SLC22A3: variants seen among roughly 807,000 people sequenced by gnomAD.
SLC22A3 encodes the protein EMT organic cation transporter 3.
SLC22A3 carries 51 observed loss-of-function variants against 59.1 expected under a neutral mutation model. That is an observed-to-expected ratio of 0.86 (90% CI 0.69 to 1.09). The LOEUF (loss-of-function observed/expected upper bound fraction) is 1.09, where lower values mean the gene tolerates loss of function less well. Among genes scored for constraint, SLC22A3 ranks in the 50% least tolerant of loss-of-function variants. The pLI, the probability that SLC22A3 is intolerant of heterozygous loss-of-function variation, is 0.00. For synonymous variants in SLC22A3, 325 were observed against 292.0 expected (o/e 1.11, Z -1.15); for missense variants, 711 against 726.3 (o/e 0.98, Z 0.24).
chr6:160,353,675 G>A lies in SLC22A3; in HGVS notation c.429+4827G>A, dbSNP rs576261693. ...TTTATTTTGTGCCCTCAGGAGCAGT[G>A]GTTGGTGTGCATTCTCGGGTCGCAC... is the stretch of plus-strand genomic sequence containing the variant. On this transcript the variant is annotated intron_variant, in intron 1 of 10. Transcript: ENST00000275300. 2.0e-5 allele frequency among the ~76,000 whole-genome samples: 3 copies of A among 152,134 alleles called. No homozygotes were observed. The East Asian group carries it at 5.8e-4, about 29-fold the overall frequency.
At position 160,365,454 on chromosome 6, in the gene SLC22A3, G is replaced by A. The variant is rs1025539264; in HGVS notation, c.429+16606G>A. On this transcript the variant is annotated intron_variant, in intron 1 of 10. Transcript: ENST00000275300. Reference sequence around the variant, plus strand: ...AACCAGACTGCTGGGCCTCACTGGAGTTTCTGATCCAATGGGTCTGGGGTA... The same window carrying A: ...AACCAGACTGCTGGGCCTCACTGGAATTTCTGATCCAATGGGTCTGGGGTA... 4.6e-5 allele frequency among the ~76,000 whole-genome samples: 7 copies of A among 152,186 alleles called. No homozygotes were observed. In the South Asian group the frequency reaches 1.2e-3, roughly 27 times the overall value.
intron 1 of SLC22A3, among the ~76,000 whole-genome samples, chr6:160,367,466 C>T (rs1381851988): frequency 6.6e-6 from 1 of 152,170 alleles, no homozygotes; most frequent in Non-Finnish European, 1.5e-5. Flanking sequence ...GCATTTTCCC[C>T]TCCACTGCAA....
intron 5 of SLC22A3, among the ~76,000 whole-genome samples, chr6:160,412,737 CAAAG>C (rs1200844102): frequency 6.6e-6 from 1 of 152,090 alleles, no homozygotes; most frequent in Non-Finnish European, 1.5e-5. Flanking sequence ...ATAGCCAGGT[CAAAG>C]ATCTGATCAT....
chr6:160,364,459 A>G (rs569910640), intron 1 of SLC22A3, among the ~76,000 whole-genome samples: 1 of 152,242 alleles, frequency 6.6e-6, no homozygotes, highest in Non-Finnish European at 1.5e-5. Context: ...AACTGCAGTC[A>G]TATTGTTCAT....
At chr6:160,377,557 A>G (rs1785644064) in intron 1 of SLC22A3, among the ~76,000 whole-genome samples, 1 of 152,172 alleles carries the variant, frequency 6.6e-6, no homozygotes, top group African/African-American at 2.4e-5. Context: ...CAATAATCCT[A>G]TTGTCTTAAG....
chr6:160,351,438 T>A (rs1012731803), intron 1 of SLC22A3, among the ~76,000 whole-genome samples: 30 of 152,348 alleles, frequency 2.0e-4, no homozygotes, highest in African/African-American at 7.2e-4. Flanking sequence ...CAAATAGTTT[T>A]GTGCTTCTTT....
At chr6:160,388,878 A>G (rs542065742) in intron 1 of SLC22A3, among the ~76,000 whole-genome samples, 8 of 152,366 alleles carry the variant, frequency 5.3e-5, no homozygotes, top group African/African-American at 1.9e-4. Context: ...GTAAAGGAAC[A>G]GAGAAAGAAT....
At chr6:160,398,968 C>G (rs758919561) in intron 2 of SLC22A3, among the ~76,000 whole-genome samples, 4 of 152,256 alleles carry the variant, frequency 2.6e-5, no homozygotes, top group South Asian at 2.1e-4. Flanking sequence ...GTGGGTGATA[C>G]TAAGTTTACC....
At chr6:160,359,833 A>AT (rs1029187231) in intron 1 of SLC22A3, among the ~76,000 whole-genome samples, 58 of 151,080 alleles carry the variant, frequency 3.8e-4, no homozygotes, top group African/African-American at 1.3e-3. Context: ...TTGAACAGTG[A>AT]TTTTTTTATA....
At chr6:160,361,148 G>A (rs1424385149) in intron 1 of SLC22A3, among the ~76,000 whole-genome samples, 2 of 152,160 alleles carry the variant, frequency 1.3e-5, no homozygotes, top group Non-Finnish European at 2.9e-5. Flanking sequence ...TAACTCCATG[G>A]GGAGAGGATG....
At position 160,452,403 on chromosome 6, in the gene SLC22A3, T is replaced by C. The variant is rs1789002578; in HGVS notation, c.*1347T>C. ...TGAATACGAATAATCTATTTGTCGA[T>C]GAAATAAACACAACTCTTTGAGGAT... On this transcript the variant is annotated 3_prime_UTR_variant, in exon 11 of 11. Coordinates refer to ENST00000275300, the MANE Select transcript of SLC22A3 (RefSeq NM_021977.4). 6.6e-6 allele frequency: 1 copy of C among 152,214 alleles called. No homozygotes were observed. Among genetic ancestry groups the C allele is most frequent in the African/African-American group, 2.4e-5 (1 of 41,470 alleles). 9.4% of individuals were successfully genotyped at this position (152,214 alleles called of 1,614,324 possible).
At chr6:160,431,797 T>C (rs918633656) in intron 5 of SLC22A3, among the ~76,000 whole-genome samples, 1 of 152,222 alleles carries the variant, frequency 6.6e-6, no homozygotes, top group African/African-American at 2.4e-5. Flanking sequence ...GATTGGATTC[T>C]TCAGATAATT....
intron 2 of SLC22A3, among the ~76,000 whole-genome samples, chr6:160,402,904 G>T (rs554743931): frequency 6.6e-6 from 1 of 151,526 alleles, no homozygotes; most frequent in South Asian, 2.1e-4. Context: ...TGTTTAAAGG[G>T]AAATTTATAG....
rs144664490 is a variant in SLC22A3, at chr6:160,357,474, G to A, written c.429+8626G>A. Among the ~76,000 whole-genome samples, 11 of 152,180 alleles carry A rather than the reference G, an allele frequency of 7.2e-5. 1 individual carries two copies. The highest frequency in any genetic ancestry group is 1.2e-4 in the African/African-American group (5 of 41,444). On this transcript the variant is annotated intron_variant, in intron 1 of 10. Coordinates refer to ENST00000275300, the MANE Select transcript of SLC22A3 (RefSeq NM_021977.4). ...TTCCAGGCTAGTGGGGAGGGACGCC[G>A]TAAGCTGATGCTTCTGAGACAGAAA...
chr6:160,422,006 C>G (rs1337094958), intron 5 of SLC22A3, among the ~76,000 whole-genome samples: 1 of 152,210 alleles, frequency 6.6e-6, no homozygotes, highest in Non-Finnish European at 1.5e-5. Flanking sequence ...TTCGTGGAGA[C>G]AGTAATGAGT....
At chr6:160,448,168 C>T (rs1469064134) in intron 10 of SLC22A3, among the ~76,000 whole-genome samples, 1 of 152,048 alleles carries the variant, frequency 6.6e-6, no homozygotes, top group Non-Finnish European at 1.5e-5. Context: ...GCTTACTCTA[C>T]AGAGTGAGGA....
intron 1 of SLC22A3, among the ~76,000 whole-genome samples, chr6:160,391,247 G>GTAAA (rs1400170042): frequency 6.6e-6 from 1 of 152,118 alleles, no homozygotes; most frequent in Admixed American, 6.5e-5. Flanking sequence ...CTTCCAGCAG[G>GTAAA]TAAATAGTTG....
intron 2 of SLC22A3, among the ~76,000 whole-genome samples, chr6:160,399,699 A>C (rs912014023): frequency 6.6e-6 from 1 of 152,158 alleles, no homozygotes; most frequent in Non-Finnish European, 1.5e-5. Flanking sequence ...ACAGTGTAGG[A>C]AGGGTGGAAA....
intron 1 of SLC22A3, among the ~76,000 whole-genome samples, chr6:160,355,315 G>A (rs76986296): frequency 0.014 from 2,193 of 152,228 alleles, 34 homozygotes; most frequent in South Asian, 0.043. Flanking sequence ...CAAGGTCTCT[G>A]TGCCTCCACC....
Sources: allele counts gnomAD v4.1 joint callset (sites outside exome capture counted in the v4.1 genomes callset), GRCh38; gene constraint gnomAD v4.1.1; transcripts MANE v1.5; gene names NCBI Gene and HGNC (gene_info 2026-07-23, HGNC 2026-07-21).